IMMP2L: variants seen among roughly 807,000 people sequenced by gnomAD.
IMMP2L encodes inner mitochondrial membrane peptidase subunit 2, also known as mitochondrial inner membrane protease subunit 2.
In IMMP2L, 18 loss-of-function variants were observed where a neutral mutation model predicts 19.3. That is an observed-to-expected ratio of 0.93 (90% confidence interval 0.64 to 1.38). The LOEUF (loss-of-function observed/expected upper bound fraction) is 1.38. IMMP2L is among the 40% of genes most tolerant of loss of function. The pLI, the probability that IMMP2L is intolerant of heterozygous loss-of-function variation, is 0.00. For synonymous variants in IMMP2L, 76 were observed against 73.0 expected (o/e 1.04, Z -0.21); for missense variants, 233 against 218.2 (o/e 1.07, Z -0.43).
intron 5 of IMMP2L, among the ~76,000 whole-genome samples, chr7:110,685,743 T>G (rs1280879015): frequency 6.6e-6 from 1 of 152,100 alleles, no homozygotes; most frequent in African/African-American, 2.4e-5. Context: ...AAGCTGGGCT[T>G]TGAAGGAGCT....
At chr7:111,189,186 T>G (rs1562904221) in intron 3 of IMMP2L, among the ~76,000 whole-genome samples, 1 of 152,082 alleles carries the variant, frequency 6.6e-6, no homozygotes, top group African/African-American at 2.4e-5. Flanking sequence ...CCCTACAGAA[T>G]TCCATTCTTT....
At chr7:110,861,098 T>TGTGTGAGAGAGAGA (rs780880935) in intron 5 of IMMP2L, among the ~76,000 whole-genome samples, 2 of 141,636 alleles carry the variant, frequency 1.4e-5, no homozygotes, top group African/African-American at 5.4e-5. Flanking sequence ...TGTGTGTGTG[T>TGTGTGAGAGAGAGA]GAGAGAGAGA....
chr7:111,233,681 G>A (rs1813965403), intron 3 of IMMP2L, among the ~76,000 whole-genome samples: 1 of 151,978 alleles, frequency 6.6e-6, no homozygotes, highest in Admixed American at 6.6e-5. Context: ...TATCAGATTG[G>A]CCTTTTATTG....
intron 5 of IMMP2L, among the ~76,000 whole-genome samples, chr7:110,791,343 A>AC: frequency 6.6e-6 from 1 of 151,390 alleles, no homozygotes; most frequent in East Asian, 1.9e-4. Flanking sequence ...GACTATCTCT[A>AC]CTCTTCCATA....
chr7:110,712,089 C>T (rs1433479251), intron 5 of IMMP2L, among the ~76,000 whole-genome samples: 2,801 of 61,360 alleles, frequency 0.046, 102 homozygotes, highest in Middle Eastern at 0.064. Flanking sequence ...AGGCGCTCTG[C>T]GTTTTAGAGT....
At chr7:110,805,301 T>C (rs2131238712) in intron 5 of IMMP2L, among the ~76,000 whole-genome samples, 1 of 152,228 alleles carries the variant, frequency 6.6e-6, no homozygotes, top group Non-Finnish European at 1.5e-5. Context: ...AAGTCAGTGC[T>C]AGAAGGTAAG....
chr7:111,485,714 T>G (rs1015653768), intron 3 of IMMP2L, among the ~76,000 whole-genome samples: 1 of 148,362 alleles, frequency 6.7e-6, no homozygotes, highest in Non-Finnish European at 1.5e-5. Flanking sequence ...TAAATATCAA[T>G]CACTATGAAT....
chr7:110,899,127 C>T (rs771395927), intron 4 of IMMP2L, among the ~76,000 whole-genome samples: 54 of 152,016 alleles, frequency 3.6e-4, no homozygotes, highest in South Asian at 6.2e-4. Flanking sequence ...CTTCAAAGTA[C>T]AGAACGATAC....
At chr7:111,417,722 T>G (rs1835087926) in intron 3 of IMMP2L, among the ~76,000 whole-genome samples, 1 of 151,930 alleles carries the variant, frequency 6.6e-6, no homozygotes, top group South Asian at 2.1e-4. Flanking sequence ...TGAAATAGAA[T>G]AAGCAGATAA....
chr7:110,996,828 A>G (rs1823086206), intron 3 of IMMP2L, among the ~76,000 whole-genome samples: 1 of 152,108 alleles, frequency 6.6e-6, no homozygotes, highest in Admixed American at 6.6e-5. Context: ...CAGAATACTG[A>G]CATTGATAAG....
chr7:110,725,052 G>A (rs1479968519), intron 5 of IMMP2L, among the ~76,000 whole-genome samples: 1 of 152,116 alleles, frequency 6.6e-6, no homozygotes, highest in Admixed American at 6.6e-5. Flanking sequence ...AAAATGAAGC[G>A]GTACCTGTCT....
chr7:111,336,914 T>C (rs1348718968), intron 3 of IMMP2L, among the ~76,000 whole-genome samples: 1 of 151,930 alleles, frequency 6.6e-6, no homozygotes, highest in East Asian at 1.9e-4. Context: ...CAGAAACTAG[T>C]CTTGATAAGG....
chr7:111,366,401 A>G lies in IMMP2L; in HGVS notation c.239+120837T>C, dbSNP rs932487593. On this transcript the variant is annotated intron_variant, in intron 3 of 5. Coordinates refer to ENST00000405709, the MANE Select transcript of IMMP2L (RefSeq NM_032549.4). Reference sequence around the variant, plus strand: ...TATTCTTCAAATATATCAGTGTTATAAAAGACAAAAAAGCAAGCTGAAGAA... The same window carrying G: ...TATTCTTCAAATATATCAGTGTTATGAAAGACAAAAAAGCAAGCTGAAGAA... Among the ~76,000 whole-genome samples the G allele has an allele frequency of 1.1e-4, 16 of 151,998 alleles. 1 individual carries two copies. The East Asian group carries it at 2.9e-3, about 28-fold the overall frequency.
At chr7:110,804,534 G>C (rs150563440) in intron 5 of IMMP2L, among the ~76,000 whole-genome samples, 70 of 152,132 alleles carry the variant, frequency 4.6e-4, no homozygotes, top group African/African-American at 1.6e-3. Context: ...CACACTACTA[G>C]CTGTCCCCTC....
rs541343813 is a variant in IMMP2L, at chr7:111,074,719, G to C, written c.240-111154C>G. Among the ~76,000 whole-genome samples, 3 of 152,074 alleles carry C rather than the reference G, an allele frequency of 2.0e-5. No individual in the cohort carries two copies. In the East Asian group the frequency reaches 5.8e-4, roughly 29 times the overall value. Reference sequence around the variant, plus strand: ...ACAGAGTCTCAATTTTTCTTCAAATGCCTTTTTAACTTCCACATTCCAATA... The same window carrying C: ...ACAGAGTCTCAATTTTTCTTCAAATCCCTTTTTAACTTCCACATTCCAATA... On this transcript the variant is annotated intron_variant, in intron 3 of 5. Coordinates refer to ENST00000405709, the MANE Select transcript of IMMP2L (RefSeq NM_032549.4).
At chr7:111,460,814 A>G (rs1391225496) in intron 3 of IMMP2L, among the ~76,000 whole-genome samples, 1 of 152,100 alleles carries the variant, frequency 6.6e-6, no homozygotes, top group Non-Finnish European at 1.5e-5. Flanking sequence ...ATATAAAAAT[A>G]TGGACTATAT....
chr7:110,913,497 T>C (rs1813274979), intron 4 of IMMP2L, among the ~76,000 whole-genome samples: 1 of 151,838 alleles, frequency 6.6e-6, no homozygotes, highest in African/African-American at 2.4e-5. Flanking sequence ...GATTAATAAA[T>C]GAACAAAGGA....
intron 3 of IMMP2L, among the ~76,000 whole-genome samples, chr7:111,268,567 C>CTTTTTTTTTTTTTTT (rs1562987595): frequency 1.6e-5 from 1 of 63,350 alleles, no homozygotes; most frequent in East Asian, 4.5e-4. Flanking sequence ...CTTCACATTT[C>CTTTTTTTTTTTTTTT]TCTTTTTTTT....
intron 4 of IMMP2L, among the ~76,000 whole-genome samples, chr7:110,956,743 T>C (rs1172293157): frequency 6.6e-6 from 1 of 151,972 alleles, no homozygotes; most frequent in African/African-American, 2.4e-5. Context: ...CAAAATTCTA[T>C]AAAATGGTAT....
Sources: allele counts gnomAD v4.1 joint callset (sites outside exome capture counted in the v4.1 genomes callset), GRCh38; gene constraint gnomAD v4.1.1; transcripts MANE v1.5; gene names NCBI Gene and HGNC (gene_info 2026-07-23, HGNC 2026-07-21).